Variants in MCPH1 observed in about 807,000 individuals in gnomAD.
MCPH1 encodes the protein microcephalin 1, also known as microcephalin.
In MCPH1, 104 loss-of-function variants were observed where a neutral mutation model predicts 84.5. The observed-to-expected ratio is 1.23, with a 90% CI of 1.05 to 1.45. MCPH1 has a LOEUF of 1.45. MCPH1 is among the 40% of genes most tolerant of loss of function. The pLI, the probability that MCPH1 is intolerant of heterozygous loss-of-function variation, is 0.00. For synonymous variants in MCPH1, 514 were observed against 366.8 expected (o/e 1.40, Z -4.58); for missense variants, 1,498 against 1,005.7 (o/e 1.49, Z -6.62).
intron 12 of MCPH1, among the ~76,000 whole-genome samples, chr8:6,540,204 A>G (rs956350071): frequency 1.3e-5 from 2 of 152,152 alleles, no homozygotes; most frequent in Non-Finnish European, 2.9e-5. Context: ...ATATTTGAAT[A>G]TATGTTTTTC....
At chr8:6,503,643 A>G (rs1563301456) in intron 12 of MCPH1, among the ~76,000 whole-genome samples, 1 of 152,204 alleles carries the variant, frequency 6.6e-6, no homozygotes, top group East Asian at 1.9e-4. Flanking sequence ...TCCCAGCAAC[A>G]TGGTGGGCTG....
intron 12 of MCPH1, among the ~76,000 whole-genome samples, chr8:6,576,812 C>T (rs1182296260): frequency 3.4e-5 from 5 of 146,078 alleles, no homozygotes; most frequent in Non-Finnish European, 6.0e-5. Flanking sequence ...AGCCACCCGC[C>T]TCGGCCTCCT....
At chr8:6,570,718 AAAGTTCC>A (rs1277118217) in intron 12 of MCPH1, among the ~76,000 whole-genome samples, 2 of 152,138 alleles carry the variant, frequency 1.3e-5, no homozygotes, top group East Asian at 3.8e-4. Flanking sequence ...GTGGCTTAAA[AAAGTTCC>A]AAGTACTCAT....
At chr8:6,573,670 A>G (rs184275560) in intron 12 of MCPH1, among the ~76,000 whole-genome samples, 38 of 152,332 alleles carry the variant, frequency 2.5e-4, no homozygotes, top group Admixed American at 2.4e-3. Flanking sequence ...GCCAGGACCT[A>G]AAGAAATGGG....
intron 12 of MCPH1, among the ~76,000 whole-genome samples, chr8:6,587,533 T>C (rs1458902103): frequency 6.6e-6 from 1 of 152,262 alleles, no homozygotes; most frequent in Non-Finnish European, 1.5e-5. Context: ...GGACATTGAA[T>C]TCTTTCCAGT....
intron 9 of MCPH1, among the ~76,000 whole-genome samples, chr8:6,460,622 G>C (rs1308468188): frequency 6.6e-6 from 1 of 151,614 alleles, no homozygotes; most frequent in Non-Finnish European, 1.5e-5. Flanking sequence ...TCCCTTTTCT[G>C]GCTCCCCTCA....
chr8:6,476,629 C>T (rs533641428), intron 9 of MCPH1, among the ~76,000 whole-genome samples: 10 of 152,136 alleles, frequency 6.6e-5, no homozygotes, highest in African/African-American at 2.4e-4. Context: ...GACAAGATCT[C>T]TATAAACCAG....
chr8:6,437,847 A>T (rs1802901877), intron 5 of MCPH1, among the ~76,000 whole-genome samples: 1 of 152,022 alleles, frequency 6.6e-6, no homozygotes, highest in African/African-American at 2.4e-5. Flanking sequence ...CTCTCCCCTG[A>T]TGCCTGGATC....
chr8:6,406,672 C>A lies in MCPH1; in HGVS notation c.5C>A (p.Ala2Glu). The A allele has an allele frequency of 1.2e-6, 2 of 1,611,902 alleles. No homozygotes were observed. The highest frequency in any genetic ancestry group is 4.5e-5 in the East Asian group (2 of 44,812). M[A>E]APILKDVVAY... ...GGCCGGATCCCGCCGTCTGTCATGG[C>A]GGCCCCCATCCTGAAAGGTGAGGTA... Residue 2 changes from alanine (A) to glutamate (E), a missense_variant, in exon 1 of 14, where the codon GCG becomes GAG. By Grantham distance (107) the Ala-to-Glu change is moderately radical. Transcript: ENST00000344683.
chr8:6,570,507 A>G (rs1488379362), intron 12 of MCPH1, among the ~76,000 whole-genome samples: 1 of 152,212 alleles, frequency 6.6e-6, no homozygotes, highest in Non-Finnish European at 1.5e-5. Flanking sequence ...TTGCGGGTAG[A>G]TAGAGTAAGC....
chr8:6,567,597 C>T (rs1266946647), intron 12 of MCPH1, among the ~76,000 whole-genome samples: 1 of 152,166 alleles, frequency 6.6e-6, no homozygotes, highest in African/African-American at 2.4e-5. Flanking sequence ...GCTGTGGCCC[C>T]TAGGGAAGTG....
chr8:6,418,793 G>A (rs1420645859), intron 3 of MCPH1, among the ~76,000 whole-genome samples: 1 of 152,112 alleles, frequency 6.6e-6, no homozygotes. Context: ...TGTTGGCCAG[G>A]ATGATCCTGA....
intron 2 of MCPH1, among the ~76,000 whole-genome samples, chr8:6,414,415 A>G (rs1798964801): frequency 6.6e-6 from 1 of 152,158 alleles, no homozygotes; most frequent in African/African-American, 2.4e-5. Context: ...TTTGATGTAG[A>G]AAGCTTTTCT....
intron 3 of MCPH1, among the ~76,000 whole-genome samples, chr8:6,424,846 T>A (rs1310286212): frequency 6.6e-6 from 1 of 152,250 alleles, no homozygotes; most frequent in African/African-American, 2.4e-5. Flanking sequence ...CTTCCTTGTG[T>A]GTCAGGGACA....
intron 13 of MCPH1, among the ~76,000 whole-genome samples, chr8:6,632,775 C>G (rs139060989): frequency 3.3e-5 from 5 of 151,972 alleles, no homozygotes; most frequent in African/African-American, 1.2e-4. Flanking sequence ...CGCCATTGCA[C>G]TCCAGCCTAG....
chr8:6,451,131 A>G (rs1249863547), intron 8 of MCPH1, among the ~76,000 whole-genome samples: 1 of 152,228 alleles, frequency 6.6e-6, no homozygotes, highest in East Asian at 1.9e-4. Context: ...TTGACTCTTC[A>G]AATAATTCAC....
intron 4 of MCPH1, among the ~76,000 whole-genome samples, chr8:6,433,193 T>C (rs550406570): frequency 1.5e-4 from 23 of 152,338 alleles, no homozygotes; most frequent in African/African-American, 5.3e-4. Flanking sequence ...TCATGTACTT[T>C]TAGTCACTGT....
chr8:6,638,499 C>G (rs1377876052), intron 13 of MCPH1, among the ~76,000 whole-genome samples: 3 of 151,766 alleles, frequency 2.0e-5, no homozygotes, highest in African/African-American at 7.3e-5. Context: ...AACCATAAGA[C>G]CACACAGAGC....
intron 12 of MCPH1, among the ~76,000 whole-genome samples, chr8:6,555,511 G>C (rs959332195): frequency 6.6e-6 from 1 of 151,208 alleles, no homozygotes; most frequent in African/African-American, 2.5e-5. Flanking sequence ...GCCCAGGCTG[G>C]AGTACTATGG....
Sources: gnomAD v4.1 joint callset for allele counts (sites outside exome capture counted in the v4.1 genomes callset) on GRCh38, gnomAD v4.1.1 for gene constraint, MANE v1.5 for transcripts, NCBI Gene and HGNC (gene_info 2026-07-23, HGNC 2026-07-21) for gene names.